Variants in ACAA1 observed in about 807,000 individuals in gnomAD.
ACAA1 encodes 3-ketoacyl-CoA thiolase, peroxisomal.
ACAA1 carries 44 observed loss-of-function variants against 48.8 expected under a neutral mutation model. The ratio of observed to expected loss-of-function variants is 0.90; its 90% CI spans 0.71 to 1.16. ACAA1 has a LOEUF of 1.16. Ranked by LOEUF, ACAA1 falls within the 50% of genes most tolerant of loss-of-function variation. The pLI is 0.00. For missense variants in ACAA1, 512 were observed against 562.3 expected (o/e 0.91, Z 0.90); for synonymous variants, 233 against 226.5 (o/e 1.03, Z -0.26).
chr3:38,134,205 C>T (rs1559479494), intron 2 of ACAA1, 196 bp from the exon 3 acceptor site: 1 of 601,594 alleles, frequency 1.7e-6, no homozygotes, highest in East Asian at 2.9e-5. Flanking sequence ...TGGTCATCCA[C>T]CAGCTCCTGT....
chr3:38,135,759 T>C (rs1312981972), intron 2 of ACAA1, among the ~76,000 whole-genome samples: 1 of 152,110 alleles, frequency 6.6e-6, no homozygotes, highest in African/African-American at 2.4e-5. Flanking sequence ...TTTCCTCTTA[T>C]CTCAACTGCA....
rs150756727 is a variant in ACAA1 at position 38,131,954 on chromosome 3, C to T, written c.375G>A (p.Ser125=). 3.3e-5 allele frequency: 54 copies of T among 1,613,892 alleles called. No homozygotes were observed. Among genetic ancestry groups the T allele is most frequent in the Admixed American group, 1.5e-4 (9 of 60,006 alleles). ...PLSTVNRQCS[S]GLQAVASIAG... is the part of the protein sequence containing the mutation. ...CTATGCTGGCCACTGCCTGTAGCCC[C>T]GACGAACACTGTCTATTGACAGTGG... Residue 125 remains serine (S), a synonymous_variant, in exon 4 of 12, where the codon TCG becomes TCA. Transcript: ENST00000333167.
At position 38,129,206 on chromosome 3, in the gene ACAA1, C is replaced by T. The variant is rs1278016817; in HGVS notation, c.545+84G>A. On this transcript the variant is annotated intron_variant, in intron 6 of 11. Coordinates refer to ENST00000333167, the MANE Select transcript of ACAA1 (RefSeq NM_001607.4). The surrounding 1 kb of genome is among the most constrained non-coding windows in gnomAD (Gnocchi z 5.3). ...GGAAGGAGGCCAAGGCTTGGCACCA[C>T]CAGCCACAGAGATGATAAAAGTTCC... The T allele has an allele frequency of 3.9e-6, 5 of 1,277,924 alleles. No homozygotes were observed. Among genetic ancestry groups the T allele is most frequent in the Non-Finnish European group, 5.6e-6 (5 of 894,582 alleles). 79.2% of individuals were successfully genotyped at this position (1,277,924 alleles called of 1,614,324 possible).
chr3:38,126,737 T>C lies in ACAA1; in HGVS notation c.627-37A>G. 6.2e-7 allele frequency: 1 copy of C among 1,610,618 alleles called. No homozygotes were observed. Among genetic ancestry groups the C allele is most frequent in the Non-Finnish European group, 8.5e-7 (1 of 1,179,190 alleles). On this transcript the variant is annotated intron_variant, in intron 7 of 11. Coordinates refer to ENST00000333167, the MANE Select transcript of ACAA1 (RefSeq NM_001607.4). This position sits in a 1 kb window ranked among gnomAD's most constrained non-coding sequence, Gnocchi z 4.7. ...ATGGACAGCCAGCTTCAGACTCCCTTGGGGTTCCCTTCCTCCCTGCCCCCA... is the reference window on the plus strand; with the variant it reads ...ATGGACAGCCAGCTTCAGACTCCCTCGGGGTTCCCTTCCTCCCTGCCCCCA...
At chr3:38,136,807 G>C in intron 1 of ACAA1, 58 bp downstream of exon 1, 1 of 1,486,654 alleles carries the variant, frequency 6.7e-7, no homozygotes, top group Non-Finnish European at 8.9e-7. Context: ...CATACGAACC[G>C]GACCCCAGCC....
At chr3:38,135,467 C>T (rs1700871826) in intron 2 of ACAA1, among the ~76,000 whole-genome samples, 1 of 151,850 alleles carries the variant, frequency 6.6e-6, no homozygotes, top group Non-Finnish European at 1.5e-5. Flanking sequence ...TATACCATTA[C>T]TATAAGGTAA....
chr3:38,123,423 C>T (rs1700587229), intron 11 of ACAA1: 2 of 311,186 alleles, frequency 6.4e-6, no homozygotes, highest in Non-Finnish European at 1.2e-5. Flanking sequence ...TCCCAAAAGA[C>T]ACAATCCCAA....
chr3:38,123,321 C>T (rs756444046), intron 11 of ACAA1, 199 bp from the exon 12 acceptor site: 47 of 587,682 alleles, frequency 8.0e-5, no homozygotes, highest in African/African-American at 1.7e-4. Context: ...CCTTTCAAGG[C>T]TGGCCCTTAA....
chr3:38,126,656 A>T lies in ACAA1; in HGVS notation c.671T>A (p.Val224Glu). ...ATCATGGACCGTGGTGGTCACAGGC[A>T]CAATCTCAGCTTGGAAACAGCCCTT... is the stretch of plus-strand genomic sequence containing the variant. ...QSKGCFQAEI[V>E]PVTTTVHDDK... Residue 224 changes from valine to glutamate, a missense_variant, in exon 8 of 12, where the codon GTG (valine) becomes GAG (glutamate). Transcript: ENST00000333167. The surrounding 1 kb of genome is among the most constrained non-coding windows in gnomAD (Gnocchi z 4.7). 6.2e-7 allele frequency: 1 copy of T among 1,614,080 alleles called. No individual in the cohort carries two copies. Among genetic ancestry groups the T allele is most frequent in the Non-Finnish European group, 8.5e-7 (1 of 1,180,002 alleles).
At chr3:38,134,811 T>C (rs530672377) in intron 2 of ACAA1, among the ~76,000 whole-genome samples, 1 of 152,298 alleles carries the variant, frequency 6.6e-6, no homozygotes, top group South Asian at 2.1e-4. Context: ...CCTGGGTATT[T>C]GTCCAAGGTT....
At chr3:38,133,900 C>T (rs1354902732) in intron 3 of ACAA1, 52 bp downstream of exon 3, 16 of 1,587,402 alleles carry the variant, frequency 1.0e-5, no homozygotes, top group Non-Finnish European at 1.3e-5. Context: ...GGGGCCTGGG[C>T]CCAGTAAAGT....
intron 11 of ACAA1, chr3:38,124,908 C>T (rs1347944724): frequency 1.3e-5 from 2 of 152,182 alleles, no homozygotes; most frequent in African/African-American, 4.8e-5. Flanking sequence ...TGCCTGCCAA[C>T]ACTGAGGGCG....
In ACAA1 at chr3:38,126,342, C is replaced by T. The variant is rs1377786569; in HGVS notation, c.818-1G>A. The T allele has an allele frequency of 3.1e-6, 5 of 1,613,158 alleles. No homozygotes were observed. The highest frequency in any genetic ancestry group is 8.5e-7 in the Non-Finnish European group (1 of 1,179,512). On this transcript the variant is annotated splice_acceptor_variant, in intron 8 of 11. Transcript: ENST00000333167. LOFTEE classifies it high-confidence loss of function. This position sits in a 1 kb window ranked among gnomAD's most constrained non-coding sequence, Gnocchi z 4.7. ...CCATCACTCACCTGGCTAGAGTTTC[C>T]TAGGGGCAAACTGTTGGGGTAAGAA...
chr3:38,123,877 T>G (rs1700606735), intron 11 of ACAA1: 1 of 151,804 alleles, frequency 6.6e-6, no homozygotes. Context: ...GGCAGACACC[T>G]ATAATCCCAG....
At chr3:38,134,762 T>C (rs1445925848) in intron 2 of ACAA1, among the ~76,000 whole-genome samples, 1 of 152,202 alleles carries the variant, frequency 6.6e-6, no homozygotes, top group Non-Finnish European at 1.5e-5. Context: ...AGGGACATGA[T>C]GCACTGTGGA....
intron 11 of ACAA1, 22 bp from the exon 12 acceptor site, chr3:38,123,144 G>A: frequency 6.2e-7 from 1 of 1,612,910 alleles, no homozygotes. Context: ...AAACTTAATT[G>A]GCTGGGCAAA....
Position 38,122,870 on chromosome 3 carries a change from C to T in ACAA1, c.*177G>A, listed in dbSNP as rs1700563061. On this transcript the variant is annotated 3_prime_UTR_variant, in exon 12 of 12. Transcript: ENST00000333167. ...GATGGGTGGCTCAACACCCCACCCACTCCTATACCATGTCATCAGTGTTCA... is the reference window on the plus strand; with the variant it reads ...GATGGGTGGCTCAACACCCCACCCATTCCTATACCATGTCATCAGTGTTCA... 6 of 795,716 alleles carry T rather than the reference C, an allele frequency of 7.5e-6. No homozygotes were observed. Among genetic ancestry groups the T allele is most frequent in the African/African-American group, 6.9e-5 (4 of 57,856 alleles). The allele number at this position is 795,716 out of a possible 1,614,324, so 49.3% of individuals were successfully genotyped here.
chr3:38,136,530 A>G (rs568676843), intron 2 of ACAA1, 62 bp downstream of exon 2: 8 of 1,584,244 alleles, frequency 5.0e-6, no homozygotes, highest in Non-Finnish European at 6.1e-6. Flanking sequence ...GGAGGTGAGG[A>G]GAGCTCTGGA....
intron 5 of ACAA1, among the ~76,000 whole-genome samples, chr3:38,131,120 T>C (rs1037691091): frequency 3.9e-5 from 6 of 152,190 alleles, no homozygotes; most frequent in African/African-American, 1.2e-4. Flanking sequence ...ATGTCCCTCA[T>C]AGCCCATAAG....
Sources: allele counts gnomAD v4.1 joint callset (sites outside exome capture counted in the v4.1 genomes callset), GRCh38; gene constraint gnomAD v4.1.1; non-coding constraint Gnocchi (gnomAD v3.1); transcripts MANE v1.5; gene names NCBI Gene and HGNC (gene_info 2026-07-23, HGNC 2026-07-21).